Variants in RPTOR observed in about 807,000 individuals in gnomAD.
The protein encoded by RPTOR is regulatory associated protein of MTOR complex 1.
A neutral mutation model predicts 169.9 loss-of-function variants in RPTOR; 21 were observed. That is an observed-to-expected ratio of 0.12 (90% confidence interval 0.09 to 0.18). The LOEUF is 0.18. Ranked by LOEUF, RPTOR falls within the 10% of genes least tolerant of loss-of-function variation. RPTOR has a pLI of 1.00. For missense variants in RPTOR, 1,133 were observed against 1,855.9 expected (o/e 0.61, Z 7.16); for synonymous variants, 732 against 753.2 (o/e 0.97, Z 0.46).
intron 2 of RPTOR, among the ~76,000 whole-genome samples, chr17:80,635,642 G>A (rs1274222394): frequency 6.6e-6 from 1 of 152,164 alleles, no homozygotes; most frequent in Non-Finnish European, 1.5e-5. Context: ...CGCCTAGTAC[G>A]AACTAGACCA....
rs898597975 is a variant in RPTOR, at chr17:80,707,804, T to A, written c.349-37T>A. On this transcript the variant is annotated intron_variant, in intron 3 of 33. Transcript: ENST00000306801. This position sits in a 1 kb window ranked among gnomAD's most constrained non-coding sequence, Gnocchi z 5.0. ...GATGAGTTCCAAGCATTCCCTGGAG[T>A]CCGTGGTAAATTTCTTCATTTCTTC... is the stretch of plus-strand genomic sequence containing the variant. The A allele has an allele frequency of 6.3e-7, 1 of 1,596,468 alleles. No homozygotes were observed. The highest frequency in any genetic ancestry group is 8.6e-7 in the Non-Finnish European group (1 of 1,168,172).
intron 3 of RPTOR, among the ~76,000 whole-genome samples, chr17:80,658,813 G>T (rs1012349185): frequency 6.6e-6 from 1 of 152,132 alleles, no homozygotes; most frequent in African/African-American, 2.4e-5. Context: ...TGATTCCATT[G>T]TATTTTTCTA....
intron 24 of RPTOR, among the ~76,000 whole-genome samples, chr17:80,930,336 GCTCATCCTCAGCTCATCCCCAGCTCATC>G (rs200626229): frequency 2.9e-3 from 126 of 43,886 alleles, no homozygotes; most frequent in Middle Eastern, 0.056. Context: ...CTCATCCTCA[GCTCATCCTCAGCTCATCCCCAGCTCATC>G]CTCAGCTCAT....
Position 80,693,920 on chromosome 17 carries a change from C to T in RPTOR, c.349-13921C>T, listed in dbSNP as rs367626203. Among the ~76,000 whole-genome samples, 61 of 152,374 alleles carry T rather than the reference C, an allele frequency of 4.0e-4. No individual in the cohort carries two copies. The Middle Eastern group carries it at 0.01, about 25-fold the overall frequency. ...AGCCCGGCATGGTCCGGAGCGTCCA[C>T]GCAGCCAGCAGCTCACATCCTCTTG... On this transcript the variant is annotated intron_variant, in intron 3 of 33. Coordinates refer to ENST00000306801, the MANE Select transcript of RPTOR (RefSeq NM_020761.3).
chr17:80,846,325 G>T (rs560302945), intron 10 of RPTOR, 148 bp from the exon 11 acceptor site: 4 of 706,622 alleles, frequency 5.7e-6, no homozygotes, highest in South Asian at 3.5e-5. Flanking sequence ...TGCCCAGAGC[G>T]CCCGCTTCTC....
intron 2 of RPTOR, among the ~76,000 whole-genome samples, chr17:80,639,888 C>T (rs757024415): frequency 7.2e-5 from 11 of 152,222 alleles, no homozygotes; most frequent in Non-Finnish European, 1.6e-4. Flanking sequence ...AAAGAAAAAG[C>T]TGCACCCCTT....
chr17:80,569,663 T>G (rs1183173873), intron 1 of RPTOR, among the ~76,000 whole-genome samples: 1 of 152,218 alleles, frequency 6.6e-6, no homozygotes, highest in Non-Finnish European at 1.5e-5. Flanking sequence ...TGGTCTATGT[T>G]GATTTCATGT....
rs756362232 is a variant in RPTOR at position 80,723,657 on chromosome 17, C to T, written c.508-6903C>T. Among the ~76,000 whole-genome samples, 14 of 151,204 alleles carry T rather than the reference C, an allele frequency of 9.3e-5. 1 individual carries two copies. In the East Asian group the frequency reaches 1.5e-3, roughly 17 times the overall value. Reference sequence around the variant, plus strand: ...CCAAGATGTGGCCTCTTTGTGTGCTCGTTACTACTGGAGCATTAGTGTTAC... The same window carrying T: ...CCAAGATGTGGCCTCTTTGTGTGCTTGTTACTACTGGAGCATTAGTGTTAC... On this transcript the variant is annotated intron_variant, in intron 4 of 33. Transcript: ENST00000306801.
At chr17:80,925,328 G>T in intron 23 of RPTOR, 42 bp from the exon 24 acceptor site, 1 of 1,540,582 alleles carries the variant, frequency 6.5e-7, no homozygotes, top group Non-Finnish European at 9.0e-7. Context: ...TGACTGACTG[G>T]TGTTTCTTTT....
intron 1 of RPTOR, among the ~76,000 whole-genome samples, chr17:80,600,773 A>G (rs564027742): frequency 6.6e-6 from 1 of 152,284 alleles, no homozygotes; most frequent in South Asian, 2.1e-4. Context: ...TTCATTTTGC[A>G]TGTGGGAGGA....
At chr17:80,849,146 C>T (rs769246336) in intron 11 of RPTOR, among the ~76,000 whole-genome samples, 3 of 152,254 alleles carry the variant, frequency 2.0e-5, no homozygotes, top group Non-Finnish European at 2.9e-5. Flanking sequence ...CACTTCCCCG[C>T]GCTTTCTCTT....
Position 80,887,210 on chromosome 17 carries a change from AGGGGCTGTGCTGACTCTGG to A in RPTOR, c.1983+2067_1983+2085del, listed in dbSNP as rs2068257988. Among the ~76,000 whole-genome samples the A allele has an allele frequency of 1.6e-5, 2 of 126,882 alleles. 1 individual carries two copies. Among genetic ancestry groups the A allele is most frequent in the South Asian group, 5.4e-4 (2 of 3,722 alleles). 83.2% of individuals were successfully genotyped at this position (126,882 alleles called of 152,430 possible). A position where few individuals can be genotyped will look rare whatever the true frequency, so the allele number is the denominator to read the frequency against. On this transcript the variant is annotated intron_variant, in intron 17 of 33. Transcript: ENST00000306801. ...AGACTCCGGAGGTGCGCTGGCTCTG[AGGGGCTGTGCTGACTCTGG>A]GGGGTGCCAGCTCGGGGGGTGCGCT...
At chr17:80,802,099 T>G (rs2067165064) in intron 7 of RPTOR, 1 of 152,244 alleles carries the variant, frequency 6.6e-6, no homozygotes. Context: ...ATTGCAGACG[T>G]GCAGCCAAGG....
intron 15 of RPTOR, 42 bp downstream of exon 15, chr17:80,883,526 G>C (rs754422513): frequency 5.6e-6 from 9 of 1,593,666 alleles, no homozygotes; most frequent in Non-Finnish European, 7.7e-6. Context: ...CTCACCCTTG[G>C]CATTGCAGAG....
At chr17:80,575,940 A>G (rs2064959570) in intron 1 of RPTOR, among the ~76,000 whole-genome samples, 1 of 152,162 alleles carries the variant, frequency 6.6e-6, no homozygotes, top group South Asian at 2.1e-4. Flanking sequence ...TTCCTGGTAA[A>G]TTGGAGTCTA....
At chr17:80,628,271 A>G (rs978878889) in intron 2 of RPTOR, among the ~76,000 whole-genome samples, 5 of 152,208 alleles carry the variant, frequency 3.3e-5, no homozygotes, top group African/African-American at 9.6e-5. Context: ...CGCAGTTCCA[A>G]GTTTCTATCT....
intron 7 of RPTOR, 37 bp downstream of exon 7, chr17:80,791,546 T>C (rs776574639): frequency 6.3e-7 from 1 of 1,580,704 alleles, no homozygotes; most frequent in Admixed American, 1.8e-5. Context: ...GCTCTCTGGA[T>C]CTGATGAGTT....
At chr17:80,791,374 C>CT (rs1290414495) in intron 6 of RPTOR, 76 bp from the exon 7 acceptor site, 2 of 1,380,060 alleles carry the variant, frequency 1.4e-6, no homozygotes, top group Non-Finnish European at 2.0e-6. Context: ...TAACTCTTCC[C>CT]TTTTTCTGCA....
At chr17:80,781,513 C>G (rs1164141482) in intron 6 of RPTOR, among the ~76,000 whole-genome samples, 1 of 152,176 alleles carries the variant, frequency 6.6e-6, no homozygotes, top group Non-Finnish European at 1.5e-5. Context: ...CTAAAATACA[C>G]AGAACTTACT....
Sources: gnomAD v4.1 joint callset for allele counts (sites outside exome capture counted in the v4.1 genomes callset) on GRCh38, gnomAD v4.1.1 for gene constraint, Gnocchi (gnomAD v3.1) non-coding constraint, MANE v1.5 for transcripts, NCBI Gene and HGNC (gene_info 2026-07-23, HGNC 2026-07-21) for gene names.